RAPGEF2: variants seen among roughly 807,000 people sequenced by gnomAD.
RAPGEF2 encodes the protein PDZ domain containing guanine nucleotide exchange factor (GEF) 1.
A neutral mutation model predicts 186.7 loss-of-function variants in RAPGEF2; 54 were observed. The observed-to-expected ratio is 0.29, with a 90% CI of 0.23 to 0.36. The LOEUF (loss-of-function observed/expected upper bound fraction) is 0.36, where lower values mean the gene tolerates loss of function less well. RAPGEF2 is among the 10% of genes least tolerant of loss of function. RAPGEF2 has a pLI of 1.00. For missense variants in RAPGEF2, 1,532 were observed against 2,045.0 expected (o/e 0.75, Z 4.84); for synonymous variants, 712 against 705.9 (o/e 1.01, Z -0.14).
intron 8 of RAPGEF2, among the ~76,000 whole-genome samples, chr4:159,314,224 A>C (rs1764280771): frequency 6.6e-6 from 1 of 152,228 alleles, no homozygotes; most frequent in Admixed American, 6.5e-5. Context: ...CTATTCTGCA[A>C]AAGGAATTGC....
At chr4:159,268,994 C>G (rs955291151) in intron 7 of RAPGEF2, among the ~76,000 whole-genome samples, 23 of 152,112 alleles carry the variant, frequency 1.5e-4, no homozygotes, top group African/African-American at 5.6e-4. Flanking sequence ...ATTTAGACAG[C>G]CTGTATAGTA....
chr4:159,315,101 A>G (rs1764404260), intron 9 of RAPGEF2, among the ~76,000 whole-genome samples: 1 of 151,716 alleles, frequency 6.6e-6, no homozygotes, highest in African/African-American at 2.4e-5. Context: ...TCTCGTGAGC[A>G]CTGTTTTTAT....
At chr4:159,323,417 CATG>C (rs770398226) in intron 10 of RAPGEF2, 39 bp from the exon 11 acceptor site, 1 of 1,507,058 alleles carries the variant, frequency 6.6e-7, no homozygotes, top group Admixed American at 2.0e-5. Flanking sequence ...GCTGTATGAT[CATG>C]ATGTTACTTT....
In RAPGEF2 at chr4:159,195,875, GTTTTTTTTT is replaced by G. The variant is rs34827512; in HGVS notation, c.197+2640_197+2648del. The stretch of plus-strand genomic sequence containing the variant: ...GATTACAGTGTCTTCAAACATACCT[GTTTTTTTTT>G]TTTTTTTTTTTTTTTTTTTTCCCCA... On this transcript the variant is annotated intron_variant, in intron 3 of 29. Transcript: ENST00000691494. Among the ~76,000 whole-genome samples, 920 of 94,230 alleles carry G rather than the reference GTTTTTTTTT, an allele frequency of 9.8e-3. 15 individuals carry two copies. The highest frequency in any genetic ancestry group is 0.031 in the African/African-American group (780 of 25,406). The allele number at this position is 94,230 out of a possible 152,430, so 61.8% of individuals were successfully genotyped here.
At chr4:159,301,288 A>C (rs966882830) in intron 7 of RAPGEF2, among the ~76,000 whole-genome samples, 3 of 152,072 alleles carry the variant, frequency 2.0e-5, no homozygotes, top group African/African-American at 7.2e-5. Context: ...AGAATCGCTT[A>C]AATCCGGAAG....
intron 23 of RAPGEF2, among the ~76,000 whole-genome samples, chr4:159,344,378 G>A (rs1238759558): frequency 6.6e-6 from 1 of 152,100 alleles, no homozygotes; most frequent in East Asian, 1.9e-4. Context: ...TCAAAGTAGG[G>A]GGAGGGGAGG....
intron 7 of RAPGEF2, among the ~76,000 whole-genome samples, chr4:159,251,880 C>G (rs1014545689): frequency 1.3e-5 from 2 of 151,744 alleles, no homozygotes; most frequent in African/African-American, 4.8e-5. Context: ...TTCGTTTCCA[C>G]AGCGTGGAGT....
At chr4:159,120,935 A>C (rs887174177) in intron 1 of RAPGEF2, among the ~76,000 whole-genome samples, 4 of 151,394 alleles carry the variant, frequency 2.6e-5, no homozygotes, top group African/African-American at 9.7e-5. Flanking sequence ...GCTCACTGCA[A>C]CCTCTGCCTC....
intron 3 of RAPGEF2, among the ~76,000 whole-genome samples, chr4:159,197,418 TAA>T (rs1748757682): frequency 1.7e-5 from 2 of 121,048 alleles, no homozygotes; most frequent in African/African-American, 4.3e-5. Flanking sequence ...TGCAAAAGTT[TAA>T]GTGTCCACAC....
At chr4:159,314,157 A>T (rs1258528068) in intron 8 of RAPGEF2, among the ~76,000 whole-genome samples, 1 of 152,178 alleles carries the variant, frequency 6.6e-6, no homozygotes, top group Non-Finnish European at 1.5e-5. Context: ...TTTTTCCATA[A>T]GGACTGTCTA....
intron 1 of RAPGEF2, among the ~76,000 whole-genome samples, chr4:159,147,179 T>C (rs750123508): frequency 8.5e-5 from 13 of 152,190 alleles, no homozygotes; most frequent in Non-Finnish European, 1.3e-4. Flanking sequence ...CTAAACATTA[T>C]TGGATAAAAT....
Position 159,358,198 on chromosome 4 carries a change from C to G in RAPGEF2, c.*59C>G, listed in dbSNP as rs571130565. Reference sequence around the variant, plus strand: ...CTGAAAGGAGAGCACAAGAAGACGTCCTGAGCATTGGAGCCTTGGAACTCA... The same window carrying G: ...CTGAAAGGAGAGCACAAGAAGACGTGCTGAGCATTGGAGCCTTGGAACTCA... On this transcript the variant is annotated 3_prime_UTR_variant, in exon 30 of 30. Coordinates refer to ENST00000691494, the MANE Select transcript of RAPGEF2 (RefSeq NM_001394067.2). 14 of 1,539,346 alleles carry G rather than the reference C, an allele frequency of 9.1e-6. No individual in the cohort carries two copies. The East Asian group carries it at 3.3e-4, about 36-fold the overall frequency.
intron 26 of RAPGEF2, among the ~76,000 whole-genome samples, 178 bp downstream of exon 26, chr4:159,350,467 TA>T (rs1172784384): frequency 1.3e-5 from 2 of 152,130 alleles, no homozygotes; most frequent in Non-Finnish European, 2.9e-5. Flanking sequence ...ATGGTGGTTT[TA>T]AAAAATGTTA....
chr4:159,273,935 G>A (rs1758515126), intron 7 of RAPGEF2, among the ~76,000 whole-genome samples: 1 of 152,060 alleles, frequency 6.6e-6, no homozygotes, highest in Non-Finnish European at 1.5e-5. Flanking sequence ...GGGATTACAG[G>A]TGCGTGCCAC....
chr4:159,211,951 T>C (rs935769869), intron 4 of RAPGEF2, among the ~76,000 whole-genome samples: 27 of 152,226 alleles, frequency 1.8e-4, no homozygotes, highest in African/African-American at 6.5e-4. Flanking sequence ...GTAAAAATAA[T>C]AGTAATAAAA....
chr4:159,340,914 A>C (rs1350293171), intron 19 of RAPGEF2, among the ~76,000 whole-genome samples: 2 of 152,210 alleles, frequency 1.3e-5, no homozygotes, highest in Non-Finnish European at 2.9e-5. Flanking sequence ...GGCATTAACT[A>C]GTCAACCTTT....
At chr4:159,120,627 C>G (rs1026251333) in intron 1 of RAPGEF2, among the ~76,000 whole-genome samples, 1 of 152,082 alleles carries the variant, frequency 6.6e-6, no homozygotes, top group African/African-American at 2.4e-5. Context: ...AAGCTAATGT[C>G]TAGAAATTTT....
chr4:159,348,781 G>A (rs1240767400), intron 25 of RAPGEF2, among the ~76,000 whole-genome samples: 1 of 152,080 alleles, frequency 6.6e-6, no homozygotes, highest in East Asian at 1.9e-4. Flanking sequence ...AATGTCTTTA[G>A]TTCCATTTAT....
chr4:159,215,971 A>G (rs1224670976), intron 4 of RAPGEF2, among the ~76,000 whole-genome samples: 1 of 152,236 alleles, frequency 6.6e-6, no homozygotes, highest in East Asian at 1.9e-4. Flanking sequence ...AGGCAAAATA[A>G]TCTATACTAC....
Sources: gnomAD v4.1 joint callset for allele counts (sites outside exome capture counted in the v4.1 genomes callset) on GRCh38, gnomAD v4.1.1 for gene constraint, MANE v1.5 for transcripts, NCBI Gene and HGNC (gene_info 2026-07-23, HGNC 2026-07-21) for gene names.